Variants in DLG2 observed in about 807,000 individuals in gnomAD.
The protein encoded by DLG2 is disks large homolog 2.
In DLG2, 45 loss-of-function variants were observed where a neutral mutation model predicts 132.5. That is an observed-to-expected ratio of 0.34 (90% CI 0.27 to 0.44). DLG2 has a LOEUF of 0.44. Among genes scored for constraint, DLG2 ranks in the 20% least tolerant of loss-of-function variants. DLG2 has a pLI of 1.00. For missense variants in DLG2, 1,045 were observed against 1,196.9 expected (o/e 0.87, Z 1.87); for synonymous variants, 424 against 419.6 (o/e 1.01, Z -0.13).
intron 21 of DLG2, among the ~76,000 whole-genome samples, chr11:83,492,152 C>T (rs1455070129): frequency 6.6e-6 from 1 of 152,064 alleles, no homozygotes; most frequent in East Asian, 1.9e-4. Context: ...ATCTAAACCA[C>T]TTTATTCAGG....
intron 3 of DLG2, among the ~76,000 whole-genome samples, chr11:85,346,044 A>G (rs976707878): frequency 6.6e-6 from 1 of 151,998 alleles, no homozygotes; most frequent in Non-Finnish European, 1.5e-5. Context: ...TAAGAAAGTA[A>G]AGTGGTGAAA....
rs544175149 is a variant in DLG2, at chr11:83,887,891, A to C, written c.1497-13403T>G. Among the ~76,000 whole-genome samples the C allele has an allele frequency of 6.0e-3, 899 of 150,924 alleles. 7 individuals carry two copies. The highest frequency in any genetic ancestry group is 0.037 in the Middle Eastern group (11 of 294). Reference sequence around the variant, plus strand: ...AGATGCAGAAAAGGCCTTTGACAAAATTCAACAACGCTTCATGCTAAAAAC... The same window carrying C: ...AGATGCAGAAAAGGCCTTTGACAAACTTCAACAACGCTTCATGCTAAAAAC... On this transcript the variant is annotated intron_variant, in intron 15 of 27. Coordinates refer to ENST00000376104, the MANE Select transcript of DLG2 (RefSeq NM_001142699.3).
chr11:84,956,376 A>G (rs760332013), intron 6 of DLG2, among the ~76,000 whole-genome samples: 5 of 152,228 alleles, frequency 3.3e-5, no homozygotes, highest in Non-Finnish European at 7.4e-5. Context: ...CAGCCTGTTT[A>G]CATTTAGTAT....
chr11:84,096,427 G>A (rs2097166108), intron 10 of DLG2, among the ~76,000 whole-genome samples: 1 of 152,088 alleles, frequency 6.6e-6, no homozygotes, highest in Non-Finnish European at 1.5e-5. Flanking sequence ...GTAGGCATGG[G>A]GCTGCCACCA....
intron 2 of DLG2, among the ~76,000 whole-genome samples, chr11:85,619,439 G>A (rs1264718288): frequency 1.3e-5 from 2 of 151,974 alleles, no homozygotes; most frequent in African/African-American, 4.8e-5. Flanking sequence ...TTTGAAAACT[G>A]TGTTTTCCCA....
At chr11:85,440,360 A>G (rs2091715421) in intron 3 of DLG2, among the ~76,000 whole-genome samples, 1 of 152,260 alleles carries the variant, frequency 6.6e-6, no homozygotes, top group Non-Finnish European at 1.5e-5. Flanking sequence ...TGTTTGGTAC[A>G]TAGCAAACAT....
At chr11:84,804,796 A>G (rs2075808675) in intron 6 of DLG2, among the ~76,000 whole-genome samples, 1 of 152,302 alleles carries the variant, frequency 6.6e-6, no homozygotes, top group African/African-American at 2.4e-5. Flanking sequence ...GAGAGCCTGG[A>G]GTTGTACCCT....
chr11:85,354,362 A>G (rs187410921), intron 3 of DLG2, among the ~76,000 whole-genome samples: 128 of 152,284 alleles, frequency 8.4e-4, no homozygotes, highest in African/African-American at 2.9e-3. Context: ...ATTTATATAT[A>G]TAATCACTCA....
intron 18 of DLG2, among the ~76,000 whole-genome samples, chr11:83,642,558 G>A (rs779097436): frequency 2.0e-5 from 3 of 152,124 alleles, no homozygotes; most frequent in Non-Finnish European, 4.4e-5. Flanking sequence ...CATATAATAT[G>A]CATATAACTC....
intron 6 of DLG2, among the ~76,000 whole-genome samples, chr11:84,674,961 T>C (rs1565629237): frequency 6.6e-6 from 1 of 152,140 alleles, no homozygotes. Context: ...ACCGACTTTG[T>C]ATTGTGGGAA....
intron 4 of DLG2, among the ~76,000 whole-genome samples, chr11:85,246,075 T>C (rs1454697560): frequency 6.6e-6 from 1 of 152,014 alleles, no homozygotes; most frequent in Non-Finnish European, 1.5e-5. Context: ...ATATTATTTA[T>C]TTAATTATTA....
intron 7 of DLG2, among the ~76,000 whole-genome samples, chr11:84,317,532 T>C (rs1361658766): frequency 6.6e-6 from 1 of 152,170 alleles, no homozygotes; most frequent in Non-Finnish European, 1.5e-5. Flanking sequence ...CTTTTCCCTT[T>C]CCTTGCCGAT....
intron 3 of DLG2, among the ~76,000 whole-genome samples, chr11:85,324,043 C>A (rs967287442): frequency 4.6e-5 from 7 of 152,090 alleles, no homozygotes; most frequent in African/African-American, 1.7e-4. Context: ...CAATTCTCTC[C>A]TCTCACCTCA....
intron 4 of DLG2, among the ~76,000 whole-genome samples, chr11:85,162,688 G>T (rs1032442612): frequency 6.6e-6 from 1 of 152,132 alleles, no homozygotes; most frequent in Non-Finnish European, 1.5e-5. Flanking sequence ...GTTGGGGATT[G>T]GTGCATTTCC....
intron 14 of DLG2, among the ~76,000 whole-genome samples, chr11:83,948,420 C>T (rs950382311): frequency 6.6e-6 from 1 of 152,096 alleles, no homozygotes; most frequent in Non-Finnish European, 1.5e-5. Flanking sequence ...GAATGACAGG[C>T]ATTAAGGACT....
chr11:85,620,173 G>A (rs2081602747), intron 2 of DLG2, among the ~76,000 whole-genome samples: 1 of 152,170 alleles, frequency 6.6e-6, no homozygotes, highest in Non-Finnish European at 1.5e-5. Flanking sequence ...ACAGTGATCT[G>A]TAATCAGTGA....
At chr11:83,816,888 T>A (rs1218456182) in intron 17 of DLG2, among the ~76,000 whole-genome samples, 1 of 152,166 alleles carries the variant, frequency 6.6e-6, no homozygotes, top group Non-Finnish European at 1.5e-5. Flanking sequence ...TTTGGTTAGG[T>A]TACACACATT....
At chr11:83,513,408 AT>A (rs1449372404) in intron 21 of DLG2, among the ~76,000 whole-genome samples, 1 of 152,110 alleles carries the variant, frequency 6.6e-6, no homozygotes, top group Non-Finnish European at 1.5e-5. Flanking sequence ...GTTGGAGTTC[AT>A]TGTAGATTCT....
chr11:85,570,011 G>A (rs750700306), intron 3 of DLG2, among the ~76,000 whole-genome samples: 7 of 152,308 alleles, frequency 4.6e-5, no homozygotes, highest in East Asian at 1.9e-4. Context: ...GGGGACGTAC[G>A]AAGTGGGGCA....
Sources: gnomAD v4.1 joint callset for allele counts (sites outside exome capture counted in the v4.1 genomes callset) on GRCh38, gnomAD v4.1.1 for gene constraint, MANE v1.5 for transcripts, NCBI Gene and HGNC (gene_info 2026-07-23, HGNC 2026-07-21) for gene names.